Variants in CNTNAP2 observed in about 807,000 individuals in gnomAD.
The protein encoded by CNTNAP2 is contactin associated protein 2, also known as contactin-associated protein-like 2.
CNTNAP2 carries 98 observed loss-of-function variants against 155.2 expected under a neutral mutation model. That is an observed-to-expected ratio of 0.63 (90% CI 0.54 to 0.75). CNTNAP2 has a LOEUF of 0.75. Among genes scored for constraint, CNTNAP2 ranks in the 30% least tolerant of loss-of-function variants. The pLI is 0.00. For missense variants in CNTNAP2, 1,727 were observed against 1,688.1 expected, an observed-to-expected ratio of 1.02 and a Z score of -0.40; for synonymous variants, 651 against 631.2, an observed-to-expected ratio of 1.03 and a Z score of -0.47.
Position 148,393,273 on chromosome 7 carries a change from A to ATGAT in CNTNAP2, c.3715+9387_3715+9390dup, listed in dbSNP as rs1799394155. 5.3e-5 allele frequency among the ~76,000 whole-genome samples: 8 copies of ATGAT among 152,316 alleles called. No individual in the cohort carries two copies. In the South Asian group the frequency reaches 1.7e-3, roughly 32 times the overall value. On this transcript the variant is annotated intron_variant, in intron 22 of 23. Coordinates refer to ENST00000361727, the MANE Select transcript of CNTNAP2 (RefSeq NM_014141.6). ...TTTTCTCTCCTTATGCTAAGACTGCATGATTAATGCATTTTTATCTCTCAC... is the reference window on the plus strand; with the variant it reads ...TTTTCTCTCCTTATGCTAAGACTGCATGATTGATTAATGCATTTTTATCTCTCAC...
At chr7:147,283,124 A>G (rs1179438108) in intron 8 of CNTNAP2, among the ~76,000 whole-genome samples, 1 of 151,950 alleles carries the variant, frequency 6.6e-6, no homozygotes, top group Non-Finnish European at 1.5e-5. Context: ...AACTATATGC[A>G]TATTTCATGA....
At chr7:147,777,517 G>C (rs1018364061) in intron 13 of CNTNAP2, among the ~76,000 whole-genome samples, 1 of 152,046 alleles carries the variant, frequency 6.6e-6, no homozygotes, top group African/African-American at 2.4e-5. Flanking sequence ...CCCCTACTTG[G>C]GTCAGCCCTA....
chr7:147,801,549 C>T (rs1409035043), intron 13 of CNTNAP2, among the ~76,000 whole-genome samples: 1 of 151,852 alleles, frequency 6.6e-6, no homozygotes, highest in African/African-American at 2.4e-5. Context: ...TGCCTTCAAG[C>T]ATCTGTTTAA....
intron 2 of CNTNAP2, among the ~76,000 whole-genome samples, chr7:146,806,432 G>A (rs575555640): frequency 5.9e-5 from 9 of 151,970 alleles, no homozygotes; most frequent in Non-Finnish European, 1.3e-4. Context: ...GGAGGCGGGG[G>A]TTGCAGTGAG....
chr7:147,891,769 C>T (rs1368997520), intron 13 of CNTNAP2, among the ~76,000 whole-genome samples: 1 of 151,812 alleles, frequency 6.6e-6, no homozygotes, highest in African/African-American at 2.4e-5. Flanking sequence ...TTATATGAGC[C>T]TCAGATAGTT....
intron 8 of CNTNAP2, among the ~76,000 whole-genome samples, chr7:147,153,698 C>T (rs1801869761): frequency 1.3e-5 from 2 of 152,136 alleles, no homozygotes; most frequent in Non-Finnish European, 2.9e-5. Flanking sequence ...AGGCTGAGCA[C>T]ACAAAAGTCC....
intron 18 of CNTNAP2, among the ~76,000 whole-genome samples, chr7:148,185,953 G>C (rs1364595135): frequency 2.0e-5 from 3 of 152,132 alleles, no homozygotes; most frequent in African/African-American, 4.8e-5. Context: ...AACCACCTGA[G>C]GTTATGACAA....
Position 147,035,978 on chromosome 7 carries a change from A to G in CNTNAP2, c.403-7929A>G, listed in dbSNP as rs186263596. The stretch of plus-strand genomic sequence containing the variant: ...CCAAGTGATTACAAAATACTTTTCC[A>G]AAGTTTACTGGTTCTTAACTGTCAA... On this transcript the variant is annotated intron_variant, in intron 3 of 23. Coordinates refer to ENST00000361727, the MANE Select transcript of CNTNAP2 (RefSeq NM_014141.6). Among the ~76,000 whole-genome samples, 238 of 152,294 alleles carry G rather than the reference A, an allele frequency of 1.6e-3. 1 individual carries two copies. The highest frequency in any genetic ancestry group is 3.0e-3 in the Non-Finnish European group (207 of 68,012).
At chr7:146,809,994 A>C (rs2129193485) in intron 2 of CNTNAP2, among the ~76,000 whole-genome samples, 1 of 152,298 alleles carries the variant, frequency 6.6e-6, no homozygotes, top group South Asian at 2.1e-4. Flanking sequence ...CTTACATTTA[A>C]GTCTTTCATA....
At chr7:146,272,953 T>A (rs762492179) in intron 1 of CNTNAP2, among the ~76,000 whole-genome samples, 10 of 149,980 alleles carry the variant, frequency 6.7e-5, no homozygotes, top group Non-Finnish European at 1.5e-4. Flanking sequence ...GAAGGAGGAG[T>A]TCACCAAGAA....
At chr7:147,724,418 G>A (rs2117031202) in intron 13 of CNTNAP2, among the ~76,000 whole-genome samples, 1 of 152,144 alleles carries the variant, frequency 6.6e-6, no homozygotes, top group East Asian at 1.9e-4. Context: ...TTAAAGGAAA[G>A]TATCCTCAAG....
In CNTNAP2 at chr7:147,048,958, G is replaced by T. The variant is rs187620757; in HGVS notation, c.550+4904G>T. On this transcript the variant is annotated intron_variant, in intron 4 of 23. Transcript: ENST00000361727. ...AACCAGTCATCTTACTAACCACACA[G>T]TCTTAGTCTGTTTTGTGTTACTATA... is the stretch of plus-strand genomic sequence containing the variant. 2.5e-3 allele frequency among the ~76,000 whole-genome samples: 383 copies of T among 152,246 alleles called. 5 individuals are homozygous for T. The highest frequency in any genetic ancestry group is 7.7e-3 in the African/African-American group (318 of 41,528).
intron 1 of CNTNAP2, among the ~76,000 whole-genome samples, chr7:146,706,625 A>T (rs1169518281): frequency 2.6e-5 from 4 of 152,116 alleles, no homozygotes; most frequent in Non-Finnish European, 5.9e-5. Context: ...AGGGACATAG[A>T]TGGACCTGGA....
intron 1 of CNTNAP2, among the ~76,000 whole-genome samples, chr7:146,382,855 A>C (rs1331937078): frequency 6.6e-6 from 1 of 152,194 alleles, no homozygotes; most frequent in East Asian, 1.9e-4. Flanking sequence ...GAAATCAGAA[A>C]AATTATTTTT....
chr7:147,742,197 A>C (rs1308815464), intron 13 of CNTNAP2, among the ~76,000 whole-genome samples: 1 of 152,208 alleles, frequency 6.6e-6, no homozygotes, highest in Non-Finnish European at 1.5e-5. Flanking sequence ...AGATTTGGTT[A>C]GGGACACAGC....
chr7:146,685,896 G>A (rs2533109), intron 1 of CNTNAP2, among the ~76,000 whole-genome samples: 121,806 of 152,150 alleles, frequency 0.8, 49,345 homozygotes, highest in South Asian at 0.91. Flanking sequence ...TATCTCTACA[G>A]TTATGTGTTC....
At chr7:147,308,422 C>T (rs578078232) in intron 9 of CNTNAP2, among the ~76,000 whole-genome samples, 20 of 152,230 alleles carry the variant, frequency 1.3e-4, no homozygotes, top group African/African-American at 3.9e-4. Context: ...GAAAGAAAAT[C>T]GACTAGATTG....
chr7:147,774,490 C>T (rs1425738172), intron 13 of CNTNAP2, among the ~76,000 whole-genome samples: 1 of 152,172 alleles, frequency 6.6e-6, no homozygotes, highest in Non-Finnish European at 1.5e-5. Context: ...TCCCACCCCA[C>T]CTCCAAATTC....
intron 1 of CNTNAP2, among the ~76,000 whole-genome samples, chr7:146,157,880 A>G (rs1223775352): frequency 6.6e-6 from 1 of 152,176 alleles, no homozygotes; most frequent in African/African-American, 2.4e-5. Flanking sequence ...AGCTTTGAAG[A>G]GAGTAGTGGT....
Sources: allele counts gnomAD v4.1 joint callset (sites outside exome capture counted in the v4.1 genomes callset), GRCh38; gene constraint gnomAD v4.1.1; transcripts MANE v1.5; gene names NCBI Gene and HGNC (gene_info 2026-07-23, HGNC 2026-07-21).